The following NLRC4 variants were observed in gnomAD, a reference collection of about 807,000 sequenced individuals.
NLRC4 encodes the protein NLR family CARD domain-containing protein 4.
NLRC4 carries 63 observed loss-of-function variants against 79.9 expected under a neutral mutation model. The ratio of observed to expected loss-of-function variants is 0.79; its 90% CI spans 0.64 to 0.97. The LOEUF is 0.97. Ranked by LOEUF, NLRC4 falls within the 50% of genes least tolerant of loss-of-function variation. The pLI, the probability that NLRC4 is intolerant of heterozygous loss-of-function variation, is 0.00. For missense variants in NLRC4, 1,074 were observed against 1,215.2 expected (o/e 0.88, Z 1.73); for synonymous variants, 461 against 456.5 (o/e 1.01, Z -0.12).
intron 8 of NLRC4, among the ~76,000 whole-genome samples, chr2:32,228,584 C>T (rs577441467): frequency 1.3e-5 from 2 of 152,170 alleles, no homozygotes; most frequent in Non-Finnish European, 2.9e-5. Flanking sequence ...AAAAATCAAA[C>T]TCCAAAGACC....
At chr2:32,258,423 C>T (rs954728366) in intron 1 of NLRC4, among the ~76,000 whole-genome samples, 30 of 152,328 alleles carry the variant, frequency 2.0e-4, no homozygotes, top group African/African-American at 7.2e-4. Context: ...ATTTGGGCGC[C>T]AAGGCAGGAG....
chr2:32,241,463 A>G (rs1305673982), intron 4 of NLRC4, among the ~76,000 whole-genome samples: 1 of 125,990 alleles, frequency 7.9e-6, no homozygotes, highest in African/African-American at 3.1e-5. Flanking sequence ...TGCCAGCTCC[A>G]CCTCCCGGGT....
At chr2:32,263,379 C>G (rs951587972) in intron 1 of NLRC4, among the ~76,000 whole-genome samples, 2 of 152,288 alleles carry the variant, frequency 1.3e-5, no homozygotes, top group East Asian at 3.9e-4. Context: ...GTAGTTGTGA[C>G]AAAGATGGTC....
chr2:32,229,754 A>G (rs1686488364), intron 8 of NLRC4, among the ~76,000 whole-genome samples: 1 of 152,236 alleles, frequency 6.6e-6, no homozygotes, highest in East Asian at 1.9e-4. Flanking sequence ...TGTTTTGAAA[A>G]GAAGGGAATG....
intron 8 of NLRC4, among the ~76,000 whole-genome samples, chr2:32,226,886 AAAAG>A (rs1686412433): frequency 6.6e-6 from 1 of 152,160 alleles, no homozygotes; most frequent in Non-Finnish European, 1.5e-5. Context: ...TTCAAAAAAA[AAAAG>A]AGAAGAAAAG....
Position 32,250,814 on chromosome 2 carries a change from A to T in NLRC4, c.1050T>A (p.Gly350=). The change falls in exon 4 of 9, where the codon GGT becomes GGA. Residue 350 remains glycine (G), a synonymous_variant. Transcript: ENST00000402280. This position sits in a 1 kb window ranked among gnomAD's most constrained non-coding sequence, Gnocchi z 4.9. ...FVVITCAIQM[G]ESEFHSHTQT... ...GTGTGTGAGAGTGGAACTCACTTTCACCCATCTGGATTGCACAAGTGATGA... is the reference window on the plus strand; with the variant it reads ...GTGTGTGAGAGTGGAACTCACTTTCTCCCATCTGGATTGCACAAGTGATGA... 1 of 1,614,082 alleles carries T rather than the reference A, an allele frequency of 6.2e-7. No homozygotes were observed. The highest frequency in any genetic ancestry group is 8.5e-7 in the Non-Finnish European group (1 of 1,179,994).
chr2:32,241,259 G>T (rs138857701), intron 4 of NLRC4, 134 bp from the exon 5 acceptor site: 9 of 600,192 alleles, frequency 1.5e-5, no homozygotes, highest in Non-Finnish European at 1.8e-5. Context: ...TCATGAAATA[G>T]ACATAAAAAT....
intron 8 of NLRC4, among the ~76,000 whole-genome samples, chr2:32,229,878 G>C (rs1490597377): frequency 6.6e-6 from 1 of 152,226 alleles, no homozygotes; most frequent in Admixed American, 6.5e-5. Flanking sequence ...GTAGAAAGTA[G>C]CAGATGGTCA....
At chr2:32,235,696 C>A in intron 7 of NLRC4, 128 bp from the exon 8 acceptor site, 1 of 749,468 alleles carries the variant, frequency 1.3e-6, no homozygotes, top group East Asian at 2.8e-5. Flanking sequence ...TAATGAGAAT[C>A]TACTTAATTT....
At chr2:32,235,637 G>C (rs1686656427) in intron 7 of NLRC4, 69 bp from the exon 8 acceptor site, 3 of 1,268,678 alleles carry the variant, frequency 2.4e-6, no homozygotes, top group African/African-American at 1.5e-5. Flanking sequence ...AGGGGTGTTA[G>C]GGGAGGAATG....
intron 1 of NLRC4, among the ~76,000 whole-genome samples, chr2:32,262,413 C>G (rs1687373546): frequency 6.6e-6 from 1 of 152,178 alleles, no homozygotes; most frequent in African/African-American, 2.4e-5. Flanking sequence ...TTTAATTGCT[C>G]TCAAGAACAA....
At chr2:32,225,186 G>A (rs1309031266) in intron 8 of NLRC4, among the ~76,000 whole-genome samples, 1 of 152,000 alleles carries the variant, frequency 6.6e-6, no homozygotes, top group Non-Finnish European at 1.5e-5. Context: ...TGTTTCTATG[G>A]GTATGTTCCT....
At chr2:32,264,629 A>G (rs561265563) in intron 1 of NLRC4, 109 bp downstream of exon 1, 4 of 152,008 alleles carry the variant, frequency 2.6e-5, no homozygotes, top group South Asian at 2.1e-4. Context: ...ACACTCGTCA[A>G]TGTTAAGGCT....
intron 2 of NLRC4, among the ~76,000 whole-genome samples, chr2:32,254,123 T>C (rs1687150120): frequency 6.6e-6 from 1 of 151,970 alleles, no homozygotes; most frequent in Non-Finnish European, 1.5e-5. Context: ...GTTAACTGGC[T>C]AACAAAAATC....
At chr2:32,253,704 C>A (rs528226762) in intron 2 of NLRC4, among the ~76,000 whole-genome samples, 7 of 152,046 alleles carry the variant, frequency 4.6e-5, no homozygotes, top group African/African-American at 1.7e-4. Context: ...GTGGCTCACA[C>A]CTGTAACCCC....
At position 32,235,516 on chromosome 2, in the gene NLRC4, GC is replaced by G; in HGVS notation, c.2666del (p.Gly889AlafsTer8). On this transcript the variant is annotated frameshift_variant, in exon 8 of 9. Transcript: ENST00000402280. LOFTEE classifies it high-confidence loss of function. ...EQLTALMLPW[G>X]CDVQGSLSSL... The stretch of plus-strand genomic sequence containing the variant: ...TGCTCAGGCTGCCTTGCACGTCACA[GC>G]CCCAGGGCAGCATCAGTGCGGTGAG... The G allele has an allele frequency of 6.2e-7, 1 of 1,614,150 alleles. No homozygotes were observed. The highest frequency in any genetic ancestry group is 8.5e-7 in the Non-Finnish European group (1 of 1,179,962).
intron 4 of NLRC4, among the ~76,000 whole-genome samples, chr2:32,242,393 A>G (rs1278680161): frequency 6.6e-6 from 1 of 152,276 alleles, no homozygotes; most frequent in African/African-American, 2.4e-5. Context: ...ATCTATGCAC[A>G]TAAATTTGAC....
At chr2:32,229,316 A>T (rs1370380164) in intron 8 of NLRC4, among the ~76,000 whole-genome samples, 1 of 151,992 alleles carries the variant, frequency 6.6e-6, no homozygotes, top group East Asian at 1.9e-4. Context: ...ATAATGGCAC[A>T]TACTTATAGT....
intron 4 of NLRC4, among the ~76,000 whole-genome samples, chr2:32,247,690 C>A (rs1307834700): frequency 6.6e-6 from 1 of 151,912 alleles, no homozygotes. Context: ...ATATATCTTT[C>A]CAATCAGACT....
Sources: gnomAD v4.1 joint callset for allele counts (sites outside exome capture counted in the v4.1 genomes callset) on GRCh38, gnomAD v4.1.1 for gene constraint, Gnocchi (gnomAD v3.1) non-coding constraint, MANE v1.5 for transcripts, NCBI Gene and HGNC (gene_info 2026-07-23, HGNC 2026-07-21) for gene names.